MAPKAP1: variants seen among roughly 807,000 people sequenced by gnomAD.
MAPKAP1 encodes the protein MAPK associated protein 1, also known as target of rapamycin complex 2 subunit MAPKAP1.
MAPKAP1 carries 20 observed loss-of-function variants against 65.7 expected under a neutral mutation model. The observed-to-expected ratio is 0.30, with a 90% CI of 0.21 to 0.44. MAPKAP1 has a LOEUF of 0.44. MAPKAP1 is among the 20% of genes least tolerant of loss of function. The pLI is 1.00. For synonymous variants in MAPKAP1, 222 were observed against 244.3 expected (o/e 0.91, Z 0.85); for missense variants, 423 against 648.0 (o/e 0.65, Z 3.77).
intron 4 of MAPKAP1, among the ~76,000 whole-genome samples, chr9:125,609,458 C>A (rs543985285): frequency 2.6e-5 from 4 of 152,316 alleles, no homozygotes; most frequent in African/African-American, 9.6e-5. Context: ...GGCTTTGTTT[C>A]ACCTGCCAAG....
chr9:125,621,733 T>C (rs971139781), intron 4 of MAPKAP1, among the ~76,000 whole-genome samples: 1 of 152,218 alleles, frequency 6.6e-6, no homozygotes, highest in African/African-American at 2.4e-5. Context: ...ACAAATTCCA[T>C]GGTCATTAAA....
intron 7 of MAPKAP1, among the ~76,000 whole-genome samples, chr9:125,526,185 G>T (rs1199605250): frequency 6.6e-6 from 1 of 152,194 alleles, no homozygotes; most frequent in Non-Finnish European, 1.5e-5. Flanking sequence ...AGCCTTTGGG[G>T]ATGTCTGCAT....
intron 4 of MAPKAP1, among the ~76,000 whole-genome samples, chr9:125,619,493 C>T (rs530968031): frequency 3.4e-4 from 51 of 151,462 alleles, no homozygotes; most frequent in African/African-American, 1.2e-3. Flanking sequence ...AAAAAAACTG[C>T]GTTTTATTCT....
At chr9:125,537,228 G>C (rs1227252090) in intron 7 of MAPKAP1, among the ~76,000 whole-genome samples, 1 of 152,230 alleles carries the variant, frequency 6.6e-6, no homozygotes, top group Non-Finnish European at 1.5e-5. Context: ...GTGAGGCTCA[G>C]AGAAGTACAT....
intron 1 of MAPKAP1, among the ~76,000 whole-genome samples, chr9:125,697,262 G>C (rs530123328): frequency 3.9e-5 from 6 of 152,142 alleles, no homozygotes; most frequent in Non-Finnish European, 8.8e-5. Context: ...ACAATCACCT[G>C]CATTAGTGAA....
intron 4 of MAPKAP1, among the ~76,000 whole-genome samples, chr9:125,615,326 T>C (rs1832714513): frequency 6.6e-6 from 1 of 152,104 alleles, no homozygotes; most frequent in African/African-American, 2.4e-5. Context: ...CCCAAATTGA[T>C]CTACAAATTT....
At chr9:125,574,823 A>C (rs1831344078) in intron 5 of MAPKAP1, among the ~76,000 whole-genome samples, 1 of 152,140 alleles carries the variant, frequency 6.6e-6, no homozygotes. Context: ...TTCTCATTTT[A>C]TTTTCATTAC....
At chr9:125,649,632 C>G (rs190998837) in intron 4 of MAPKAP1, among the ~76,000 whole-genome samples, 13 of 151,910 alleles carry the variant, frequency 8.6e-5, no homozygotes, top group Admixed American at 8.5e-4. Flanking sequence ...TTGCTCCACT[C>G]TCACCTCAAA....
At position 125,499,359 on chromosome 9, in the gene MAPKAP1, A is replaced by G. The variant is rs138094394; in HGVS notation, c.1066+6951T>C. 1.3e-3 allele frequency among the ~76,000 whole-genome samples: 196 copies of G among 152,338 alleles called. 1 individual carries two copies. The highest frequency in any genetic ancestry group is 4.5e-3 in the African/African-American group (189 of 41,574). On this transcript the variant is annotated intron_variant, in intron 8 of 11. Transcript: ENST00000265960. The stretch of plus-strand genomic sequence containing the variant: ...GAAAACAATGTAATTCTTAGTTGGA[A>G]TTCCTACTTAAAAAATCCTTTTAAA...
At chr9:125,654,782 C>A (rs1022620835) in intron 4 of MAPKAP1, among the ~76,000 whole-genome samples, 2 of 152,174 alleles carry the variant, frequency 1.3e-5, no homozygotes, top group African/African-American at 4.8e-5. Flanking sequence ...ACTATATGTG[C>A]CTGCTTGACT....
chr9:125,622,999 T>C (rs906535198), intron 4 of MAPKAP1, among the ~76,000 whole-genome samples: 3 of 151,994 alleles, frequency 2.0e-5, no homozygotes, highest in Non-Finnish European at 4.4e-5. Flanking sequence ...GGTTTCGCTG[T>C]GTTGGCCGGG....
chr9:125,454,972 G>A (rs947610098), intron 10 of MAPKAP1, among the ~76,000 whole-genome samples: 3 of 151,968 alleles, frequency 2.0e-5, no homozygotes, highest in Non-Finnish European at 4.4e-5. Flanking sequence ...AACTGCTTGA[G>A]GCTAGGAGTT....
At chr9:125,546,118 G>A (rs546565977) in intron 6 of MAPKAP1, among the ~76,000 whole-genome samples, 1 of 152,232 alleles carries the variant, frequency 6.6e-6, no homozygotes, top group East Asian at 1.9e-4. Flanking sequence ...CTGAAGCCAG[G>A]GTAGCAAGGT....
chr9:125,630,219 C>T (rs550328417), intron 4 of MAPKAP1, among the ~76,000 whole-genome samples: 3 of 152,264 alleles, frequency 2.0e-5, no homozygotes, highest in Admixed American at 1.3e-4. Context: ...TCGACTTCCC[C>T]GGCTCAACCG....
At position 125,543,042 on chromosome 9, in the gene MAPKAP1, T is replaced by C. The variant is rs751982142; in HGVS notation, c.958+17A>G. On this transcript the variant is annotated intron_variant, in intron 7 of 11. Transcript: ENST00000265960. ...TTAAGCTTCTACTACTGTGAGAATA[T>C]GATTTAACTATCCCACCTGAAACTT... is the stretch of plus-strand genomic sequence containing the variant. 3 of 1,518,326 alleles carry C rather than the reference T, an allele frequency of 2.0e-6. No individual in the cohort carries two copies. The highest frequency in any genetic ancestry group is 2.2e-5 in the East Asian group (1 of 44,458). 94.1% of individuals were successfully genotyped at this position (1,518,326 alleles called of 1,614,324 possible). A position where few individuals can be genotyped will look rare whatever the true frequency, so the allele number is the denominator to read the frequency against.
At chr9:125,453,619 A>T (rs940090646) in intron 10 of MAPKAP1, among the ~76,000 whole-genome samples, 1 of 152,238 alleles carries the variant, frequency 6.6e-6, no homozygotes. Context: ...TGGAATATAA[A>T]CCTCATTAAT....
intron 1 of MAPKAP1, among the ~76,000 whole-genome samples, chr9:125,688,698 A>G (rs1431908868): frequency 6.6e-6 from 1 of 152,030 alleles, no homozygotes; most frequent in Non-Finnish European, 1.5e-5. Context: ...CCATCTCTAC[A>G]AAAAAATACA....
At position 125,506,352 on chromosome 9, in the gene MAPKAP1, C is replaced by A; in HGVS notation, c.1024G>T (p.Glu342Ter). The A allele has an allele frequency of 6.2e-7, 1 of 1,614,136 alleles. No individual in the cohort carries two copies. The highest frequency in any genetic ancestry group is 8.5e-7 in the Non-Finnish European group (1 of 1,180,032). The change falls in exon 8 of 12, where the codon GAG becomes TAG. Residue 342 changes from glutamate (E) to a stop codon, truncating the protein, a stop_gained. Coordinates refer to ENST00000265960, the MANE Select transcript of MAPKAP1 (RefSeq NM_001006617.3). LOFTEE classifies it high-confidence loss of function. The stretch of plus-strand genomic sequence containing the variant: ...CAGAACTCCCATGCGCTCTGGCTCT[C>A]CAAAGTGCTGTCCAGGTCAACGGCG... Reference protein sequence around the residue: ...NVAVDLDSTLESQSAWEFCLV... With the variant: ...NVAVDLDSTL
chr9:125,610,737 G>T (rs767139580), intron 4 of MAPKAP1, among the ~76,000 whole-genome samples: 4 of 152,086 alleles, frequency 2.6e-5, no homozygotes, highest in Non-Finnish European at 4.4e-5. Context: ...TCCCAAATTC[G>T]TATTATTTGA....
Sources: allele counts gnomAD v4.1 joint callset (sites outside exome capture counted in the v4.1 genomes callset), GRCh38; gene constraint gnomAD v4.1.1; transcripts MANE v1.5; gene names NCBI Gene and HGNC (gene_info 2026-07-23, HGNC 2026-07-21).